The following UGT1A8 variants were observed in gnomAD, a reference collection of about 807,000 sequenced individuals.
UGT1A8 encodes the protein UDP glucuronosyltransferase family 1 member A8, also known as UDP-glucuronosyltransferase 1A8.
Under a neutral mutation model 45.3 loss-of-function variants are expected in UGT1A8, and 39 were observed. That is an observed-to-expected ratio of 0.86 (90% CI 0.67 to 1.12). The LOEUF (loss-of-function observed/expected upper bound fraction) is 1.12, where lower values mean the gene tolerates loss of function less well. Ranked by LOEUF, UGT1A8 falls within the 50% of genes most tolerant of loss-of-function variation. The pLI, the probability that UGT1A8 is intolerant of heterozygous loss-of-function variation, is 0.00. For missense variants in UGT1A8, 719 were observed against 664.9 expected, an observed-to-expected ratio of 1.08 and a Z score of -0.90; for synonymous variants, 275 against 249.2, an observed-to-expected ratio of 1.10 and a Z score of -0.97.
chr2:233,637,503 A>G, intron 1 of UGT1A8: 1 of 1,486,566 alleles, frequency 6.7e-7, no homozygotes, highest in Non-Finnish European at 8.9e-7. Flanking sequence ...AGTTTAACAA[A>G]TTATTTTGTG....
intron 1 of UGT1A8, chr2:233,752,385 C>T (rs1023364078): frequency 4.6e-5 from 7 of 152,142 alleles, no homozygotes. Context: ...ATCTTTGCAA[C>T]AGAGGAAATG....
At chr2:233,627,624 T>C (rs372963272) in intron 1 of UGT1A8, among the ~76,000 whole-genome samples, 57 of 112,016 alleles carry the variant, frequency 5.1e-4, no homozygotes, top group Admixed American at 9.7e-4. Context: ...TTCCTTCCTT[T>C]CTTCCTTCCT....
intron 1 of UGT1A8, 98 bp downstream of exon 1, chr2:233,618,660 C>T: frequency 4.6e-6 from 7 of 1,513,800 alleles, no homozygotes; most frequent in Non-Finnish European, 6.2e-6. Flanking sequence ...TCATTTGTTG[C>T]ATTTCAAATT....
At chr2:233,661,953 AG>A (rs768559220) in intron 1 of UGT1A8, among the ~76,000 whole-genome samples, 2 of 152,044 alleles carry the variant, frequency 1.3e-5, no homozygotes, top group Admixed American at 1.3e-4. Flanking sequence ...AATTTACTGG[AG>A]GGATGAACTG....
chr2:233,693,082 T>G, intron 1 of UGT1A8: 1 of 1,614,190 alleles, frequency 6.2e-7, no homozygotes, highest in Non-Finnish European at 8.5e-7. Flanking sequence ...TGGTTGTAGG[T>G]GACAAGCTGC....
chr2:233,624,217 T>A (rs1029945482), intron 1 of UGT1A8, among the ~76,000 whole-genome samples: 2 of 152,126 alleles, frequency 1.3e-5, no homozygotes, highest in Non-Finnish European at 2.9e-5. Flanking sequence ...ATCCCATTGA[T>A]ACCACCTGAA....
chr2:233,760,276 A>G (rs1040602725), intron 1 of UGT1A8: 1 of 1,612,606 alleles, frequency 6.2e-7, no homozygotes, highest in South Asian at 1.1e-5. Flanking sequence ...CTCTGGCAGG[A>G]GCAAAGGCGC....
intron 1 of UGT1A8, among the ~76,000 whole-genome samples, chr2:233,641,017 AG>A (rs2073437801): frequency 6.6e-6 from 1 of 152,176 alleles, no homozygotes; most frequent in Non-Finnish European, 1.5e-5. Flanking sequence ...AGCGATCACC[AG>A]ACCCTCAGCT....
At chr2:233,629,007 T>C (rs2125453233) in intron 1 of UGT1A8, among the ~76,000 whole-genome samples, 1 of 152,150 alleles carries the variant, frequency 6.6e-6, no homozygotes, top group African/African-American at 2.4e-5. Context: ...AGGTGCACAG[T>C]TCAGTATTGA....
At chr2:233,651,365 A>G (rs2073736684) in intron 1 of UGT1A8, among the ~76,000 whole-genome samples, 1 of 152,234 alleles carries the variant, frequency 6.6e-6, no homozygotes, top group South Asian at 2.1e-4. Flanking sequence ...TAAGATATGT[A>G]TAAAATAGGA....
chr2:233,718,603 T>G (rs2076667191), intron 1 of UGT1A8, among the ~76,000 whole-genome samples: 1 of 152,156 alleles, frequency 6.6e-6, no homozygotes, highest in Non-Finnish European at 1.5e-5. Flanking sequence ...TCAGATGAGC[T>G]TTTCAAGATA....
intron 3 of UGT1A8, 130 bp from the exon 4 acceptor site, chr2:233,768,090 T>A (rs887845025): frequency 1.1e-5 from 18 of 1,591,432 alleles, no homozygotes; most frequent in Non-Finnish European, 1.5e-5. Flanking sequence ...CAACCCACAT[T>A]TTCTTCTGCA....
At chr2:233,721,854 C>G in intron 1 of UGT1A8, 1 of 513,502 alleles carries the variant, frequency 1.9e-6, no homozygotes, top group Non-Finnish European at 3.9e-6. Context: ...AGCCCCACTG[C>G]TCGGCCCTGG....
At chr2:233,707,391 T>C (rs1441137641) in intron 1 of UGT1A8, among the ~76,000 whole-genome samples, 1 of 152,078 alleles carries the variant, frequency 6.6e-6, no homozygotes, top group African/African-American at 2.4e-5. Flanking sequence ...CATGAGCTAT[T>C]CTTTTTGATG....
intron 1 of UGT1A8, among the ~76,000 whole-genome samples, chr2:233,703,636 A>G (rs1485520646): frequency 2.0e-5 from 3 of 152,118 alleles, no homozygotes; most frequent in Admixed American, 2.0e-4. Context: ...TGATATTAGT[A>G]TAACCAATCT....
In UGT1A8 at chr2:233,761,156, G is replaced by T. The variant is rs777807265; in HGVS notation, c.856-5878G>T. On this transcript the variant is annotated intron_variant, in intron 1 of 4. Transcript: ENST00000373450. ...CACCAAAATCCACTATCCCAGGTGT[G>T]TATTGGAGTGGGACTTTTACATGCG... The T allele has an allele frequency of 2.7e-5, 43 of 1,614,110 alleles. No homozygotes were observed. The highest frequency in any genetic ancestry group is 1.4e-5 in the Non-Finnish European group (17 of 1,180,052).
At chr2:233,707,718 C>T (rs1485982903) in intron 1 of UGT1A8, among the ~76,000 whole-genome samples, 11 of 152,140 alleles carry the variant, frequency 7.2e-5, no homozygotes, top group Admixed American at 7.2e-4. Context: ...CTACTGTGAA[C>T]AATGTTACAA....
intron 1 of UGT1A8, among the ~76,000 whole-genome samples, chr2:233,739,591 A>G (rs1168913581): frequency 1.3e-5 from 2 of 152,242 alleles, no homozygotes; most frequent in Non-Finnish European, 2.9e-5. Flanking sequence ...CATGGGGCCT[A>G]TAGCCCCTTT....
At chr2:233,755,343 G>C (rs1398050139) in intron 1 of UGT1A8, 2 of 413,026 alleles carry the variant, frequency 4.8e-6, no homozygotes, top group Non-Finnish European at 8.6e-6. Flanking sequence ...GCACAGGTCA[G>C]AGGCTTGGCG....
Sources: allele counts gnomAD v4.1 joint callset (sites outside exome capture counted in the v4.1 genomes callset), GRCh38; gene constraint gnomAD v4.1.1; transcripts MANE v1.5; gene names NCBI Gene and HGNC (gene_info 2026-07-23, HGNC 2026-07-21).